Variants in KCNH7 observed in about 807,000 individuals in gnomAD.
The protein encoded by KCNH7 is voltage-gated inwardly rectifying potassium channel KCNH7.
In KCNH7, 49 loss-of-function variants were observed where a neutral mutation model predicts 120.8. That is an observed-to-expected ratio of 0.41 (90% confidence interval 0.32 to 0.51). The LOEUF (loss-of-function observed/expected upper bound fraction) is 0.51. KCNH7 is among the 20% of genes least tolerant of loss of function. The pLI is 0.38. For synonymous variants in KCNH7, 547 were observed against 516.1 expected (o/e 1.06, Z -0.81); for missense variants, 1,097 against 1,446.6 (o/e 0.76, Z 3.92).
At chr2:162,443,976 C>T (rs578131835) in intron 7 of KCNH7, among the ~76,000 whole-genome samples, 14 of 152,278 alleles carry the variant, frequency 9.2e-5, no homozygotes, top group Middle Eastern at 3.4e-3. Flanking sequence ...ATGCTCTGCA[C>T]GGTGGTCTCA....
intron 8 of KCNH7, among the ~76,000 whole-genome samples, chr2:162,433,763 G>A (rs988889111): frequency 1.3e-5 from 2 of 152,104 alleles, no homozygotes; most frequent in African/African-American, 2.4e-5. Flanking sequence ...GGGAATATAA[G>A]CATTTATTGC....
intron 2 of KCNH7, among the ~76,000 whole-genome samples, chr2:162,615,853 C>A (rs750143467): frequency 3.9e-4 from 59 of 152,064 alleles, no homozygotes; most frequent in Non-Finnish European, 7.8e-4. Context: ...TACTAATGAT[C>A]CATTCTCTAA....
At chr2:162,576,653 TG>T (rs200686700) in intron 2 of KCNH7, among the ~76,000 whole-genome samples, 1,537 of 110,486 alleles carry the variant, frequency 0.014, 36 homozygotes, top group South Asian at 0.089. Flanking sequence ...TTGGGTTTTT[TG>T]GGGTTTTTTT....
In KCNH7 at chr2:162,379,967, T is replaced by G; in HGVS notation, c.3017A>C (p.Asp1006Ala). Residue 1006 changes from aspartate to alanine, a missense_variant, in exon 14 of 16, where the codon GAC (aspartate) becomes GCC (alanine). Physicochemically the swap from Asp to Ala is moderately radical, Grantham distance 126 (BLOSUM62 -2). Coordinates refer to ENST00000332142, the MANE Select transcript of KCNH7 (RefSeq NM_033272.4). ...ERENAHPQPE[D>A]SSPSALQRAA... ...TCGCTGAAGTGCAGATGGACTGGAG[T>G]CTTCAGGCTGGGGATGTGCATTTTC... is the stretch of plus-strand genomic sequence containing the variant. 6.2e-7 allele frequency: 1 copy of G among 1,613,904 alleles called. No individual in the cohort carries two copies. The highest frequency in any genetic ancestry group is 1.7e-4 in the Middle Eastern group (1 of 6,056).
chr2:162,499,047 G>A (rs1342651960), intron 6 of KCNH7, among the ~76,000 whole-genome samples: 1 of 152,012 alleles, frequency 6.6e-6, no homozygotes, highest in African/African-American at 2.4e-5. Flanking sequence ...TGAAATCCAC[G>A]GCACCATCTT....
intron 2 of KCNH7, among the ~76,000 whole-genome samples, chr2:162,537,634 T>C (rs1692153352): frequency 6.6e-6 from 1 of 152,130 alleles, no homozygotes; most frequent in Non-Finnish European, 1.5e-5. Context: ...ATTACAATGG[T>C]TTTGTTTGGT....
At chr2:162,657,288 A>G (rs1477131451) in intron 2 of KCNH7, among the ~76,000 whole-genome samples, 1 of 152,192 alleles carries the variant, frequency 6.6e-6, no homozygotes, top group Non-Finnish European at 1.5e-5. Flanking sequence ...ACTGCACTAA[A>G]TAACCTCTGT....
intron 2 of KCNH7, among the ~76,000 whole-genome samples, chr2:162,655,555 G>A (rs1245221029): frequency 6.6e-6 from 1 of 152,076 alleles, no homozygotes; most frequent in Non-Finnish European, 1.5e-5. Flanking sequence ...GGGAGACTGA[G>A]GTGGGCGGAT....
At chr2:162,656,368 A>G (rs1262726473) in intron 2 of KCNH7, among the ~76,000 whole-genome samples, 1 of 152,222 alleles carries the variant, frequency 6.6e-6, no homozygotes, top group Admixed American at 6.5e-5. Context: ...TGCACAACAT[A>G]ATACATGAGG....
chr2:162,695,616 A>C (rs189073201), intron 2 of KCNH7, among the ~76,000 whole-genome samples: 259 of 152,306 alleles, frequency 1.7e-3, no homozygotes, highest in South Asian at 4.4e-3. Flanking sequence ...CACAAAAGTC[A>C]GCTTGAGAAT....
chr2:162,705,794 G>A (rs1686678281), intron 2 of KCNH7, among the ~76,000 whole-genome samples: 1 of 151,984 alleles, frequency 6.6e-6, no homozygotes, highest in Admixed American at 6.6e-5. Context: ...AATGAAGTCA[G>A]CAAAATATTT....
intron 2 of KCNH7, among the ~76,000 whole-genome samples, chr2:162,778,999 C>T (rs538018369): frequency 3.0e-4 from 44 of 144,878 alleles, no homozygotes; most frequent in African/African-American, 9.4e-4. Context: ...GTCATTCAAA[C>T]GCAATTTTAG....
chr2:162,435,659 G>A, intron 7 of KCNH7, 62 bp from the exon 8 acceptor site: 2 of 1,486,438 alleles, frequency 1.3e-6, no homozygotes, highest in South Asian at 1.3e-5. Flanking sequence ...ACATTCATAT[G>A]AAGCAAAGTG....
At chr2:162,795,121 A>G (rs569695525) in intron 2 of KCNH7, among the ~76,000 whole-genome samples, 2 of 152,192 alleles carry the variant, frequency 1.3e-5, no homozygotes, top group East Asian at 3.9e-4. Flanking sequence ...CATAGATACA[A>G]GCAGACTCAT....
At chr2:162,557,966 G>A (rs938087435) in intron 2 of KCNH7, among the ~76,000 whole-genome samples, 5 of 152,070 alleles carry the variant, frequency 3.3e-5, no homozygotes, top group Admixed American at 2.0e-4. Flanking sequence ...ATAAAAGAGG[G>A]AAGATAATCC....
intron 8 of KCNH7, among the ~76,000 whole-genome samples, chr2:162,433,604 C>T (rs1297792218): frequency 1.3e-5 from 2 of 152,062 alleles, no homozygotes; most frequent in African/African-American, 4.8e-5. Context: ...GGACCCCTAT[C>T]TTTCACCATC....
At chr2:162,664,384 CTG>C (rs1240890905) in intron 2 of KCNH7, among the ~76,000 whole-genome samples, 3 of 152,146 alleles carry the variant, frequency 2.0e-5, no homozygotes, top group African/African-American at 7.2e-5. Context: ...TATTGGATAA[CTG>C]TCATACAGCA....
intron 2 of KCNH7, among the ~76,000 whole-genome samples, chr2:162,548,557 TGAA>T (rs1205730608): frequency 6.6e-6 from 1 of 151,320 alleles, no homozygotes; most frequent in African/African-American, 2.4e-5. Context: ...CAGAGAAGGA[TGAA>T]GGATGAGGAT....
Position 162,390,001 on chromosome 2 carries a change from A to G in KCNH7, c.2710+4388T>C, listed in dbSNP as rs1219621715. The stretch of plus-strand genomic sequence containing the variant: ...TGAAAAAACTCAGGGCACTTAGCAC[A>G]CAGTGGGTACTCAATGACAATGGAC... On this transcript the variant is annotated intron_variant, in intron 12 of 15. Coordinates refer to ENST00000332142, the MANE Select transcript of KCNH7 (RefSeq NM_033272.4). 2.0e-5 allele frequency among the ~76,000 whole-genome samples: 3 copies of G among 152,120 alleles called. No homozygotes were observed. The East Asian group carries it at 5.8e-4, about 30-fold the overall frequency.
Sources: allele counts gnomAD v4.1 joint callset (sites outside exome capture counted in the v4.1 genomes callset), GRCh38; gene constraint gnomAD v4.1.1; transcripts MANE v1.5; gene names NCBI Gene and HGNC (gene_info 2026-07-23, HGNC 2026-07-21).